Variants in ADAM2 observed in about 807,000 individuals in gnomAD.
ADAM2 encodes the protein disintegrin and metalloproteinase domain-containing protein 2.
ADAM2 carries 101 observed loss-of-function variants against 99.3 expected under a neutral mutation model. The ratio of observed to expected loss-of-function variants is 1.02; its 90% CI spans 0.87 to 1.20. ADAM2 has a LOEUF of 1.20. Ranked by LOEUF, ADAM2 falls within the 50% of genes most tolerant of loss-of-function variation. The pLI is 0.00. For missense variants in ADAM2, 948 were observed against 878.7 expected, an observed-to-expected ratio of 1.08 and a Z score of -1.00; for synonymous variants, 323 against 287.6, an observed-to-expected ratio of 1.12 and a Z score of -1.25.
intron 10 of ADAM2, among the ~76,000 whole-genome samples, chr8:39,779,207 A>C: frequency 6.6e-6 from 1 of 152,102 alleles, no homozygotes. Context: ...GAAATTTCGC[A>C]GTTCTAGAAG....
chr8:39,803,242 T>A (rs1041203850), intron 7 of ADAM2, among the ~76,000 whole-genome samples: 11 of 152,120 alleles, frequency 7.2e-5, no homozygotes, highest in Non-Finnish European at 2.9e-5. Context: ...AGGTGGAAAC[T>A]TAAAGAAAAC....
At chr8:39,803,995 G>T (rs1331173813) in intron 7 of ADAM2, among the ~76,000 whole-genome samples, 2 of 152,170 alleles carry the variant, frequency 1.3e-5, no homozygotes, top group Non-Finnish European at 2.9e-5. Context: ...TGGAATTCTA[G>T]TGTTAGACTG....
At chr8:39,748,769 G>A (rs1823580159) in intron 18 of ADAM2, among the ~76,000 whole-genome samples, 1 of 152,052 alleles carries the variant, frequency 6.6e-6, no homozygotes, top group Non-Finnish European at 1.5e-5. Flanking sequence ...AGTAAAAATA[G>A]CTCTGATATT....
At chr8:39,744,374 A>G (rs1002069787) in intron 20 of ADAM2, among the ~76,000 whole-genome samples, 5 of 152,014 alleles carry the variant, frequency 3.3e-5, no homozygotes, top group African/African-American at 9.7e-5. Flanking sequence ...ATATAGCTAT[A>G]TGACTGTCAC....
At chr8:39,827,281 G>A (rs1356649724) in intron 3 of ADAM2, among the ~76,000 whole-genome samples, 1 of 152,058 alleles carries the variant, frequency 6.6e-6, no homozygotes, top group Non-Finnish European at 1.5e-5. Context: ...CCACAATGTT[G>A]GTGGAAATGT....
chr8:39,772,646 A>G (rs1802828592), intron 11 of ADAM2, among the ~76,000 whole-genome samples: 1 of 152,022 alleles, frequency 6.6e-6, no homozygotes, highest in Admixed American at 6.6e-5. Context: ...TACAGACTTA[A>G]TCCCAATATA....
chr8:39,815,157 T>C (rs994283501), intron 6 of ADAM2, among the ~76,000 whole-genome samples: 1 of 152,110 alleles, frequency 6.6e-6, no homozygotes, highest in Non-Finnish European at 1.5e-5. Flanking sequence ...GGATGGATAG[T>C]TCCACTTATT....
chr8:39,795,875 C>T (rs1803915778), intron 7 of ADAM2, among the ~76,000 whole-genome samples: 1 of 151,942 alleles, frequency 6.6e-6, no homozygotes, highest in African/African-American at 2.4e-5. Context: ...AAAATTGTAC[C>T]ATAAAGAAAC....
chr8:39,828,145 C>A (rs564341186), intron 3 of ADAM2, among the ~76,000 whole-genome samples: 1 of 151,400 alleles, frequency 6.6e-6, no homozygotes, highest in Non-Finnish European at 1.5e-5. Flanking sequence ...GATAGAAGCA[C>A]AGAAATGTAG....
intron 7 of ADAM2, among the ~76,000 whole-genome samples, chr8:39,796,533 T>G (rs932893477): frequency 6.6e-6 from 1 of 152,178 alleles, no homozygotes; most frequent in African/African-American, 2.4e-5. Flanking sequence ...GTAGAATGAT[T>G]TATATTCCTT....
At chr8:39,831,373 G>A (rs1250713803) in intron 3 of ADAM2, among the ~76,000 whole-genome samples, 4 of 152,070 alleles carry the variant, frequency 2.6e-5, no homozygotes, top group African/African-American at 4.8e-5. Context: ...ACAAGCAAAA[G>A]CATCCATAAA....
At chr8:39,817,093 A>G (rs190775740) in intron 6 of ADAM2, among the ~76,000 whole-genome samples, 1 of 152,326 alleles carries the variant, frequency 6.6e-6, no homozygotes, top group African/African-American at 2.4e-5. Context: ...ATACTTGATT[A>G]ATAAAAAAGA....
At position 39,767,185 on chromosome 8, in the gene ADAM2, A is replaced by C; in HGVS notation, c.1279T>G (p.Cys427Gly). 1 of 1,608,450 alleles carries C rather than the reference A, an allele frequency of 6.2e-7. No individual in the cohort carries two copies. The highest frequency in any genetic ancestry group is 1.1e-5 in the South Asian group (1 of 90,110). Residue 427 changes from cysteine (C) to glycine (G), a missense_variant, in exon 13 of 21, where the codon TGT becomes GGT. Coordinates refer to ENST00000265708, the MANE Select transcript of ADAM2 (RefSeq NM_001464.5). ...TTTTCGCAGCATGGTCCTTCAGCAC[A>C]GTTTGAACCGGCTTTAAATCTACAT... ...ATCRFKAGSNCAEGPCCENCL... is the reference protein window; with the variant it reads ...ATCRFKAGSNGAEGPCCENCL...
At chr8:39,802,428 GC>G (rs1490639430) in intron 7 of ADAM2, among the ~76,000 whole-genome samples, 1 of 151,930 alleles carries the variant, frequency 6.6e-6, no homozygotes, top group Admixed American at 6.6e-5. Context: ...GGCCATCTTG[GC>G]CCCCCCACCT....
chr8:39,781,647 T>C (rs1803235208), intron 10 of ADAM2, among the ~76,000 whole-genome samples: 1 of 152,226 alleles, frequency 6.6e-6, no homozygotes, highest in African/African-American at 2.4e-5. Flanking sequence ...TGCCTCAATA[T>C]TGTTGATACT....
intron 16 of ADAM2, among the ~76,000 whole-genome samples, chr8:39,753,196 G>A (rs539124794): frequency 1.4e-4 from 21 of 152,280 alleles, no homozygotes; most frequent in East Asian, 9.7e-4. Context: ...TCCAGGCTTA[G>A]ATGGTCTCAG....
chr8:39,798,400 T>C (rs1804061687), intron 7 of ADAM2, among the ~76,000 whole-genome samples: 2 of 152,208 alleles, frequency 1.3e-5, no homozygotes, highest in African/African-American at 4.8e-5. Flanking sequence ...GGCTTGATTT[T>C]GGTGGATAAG....
chr8:39,837,090 T>C (rs1805855354), intron 2 of ADAM2, 46 bp downstream of exon 2: 2 of 1,467,304 alleles, frequency 1.4e-6, no homozygotes, highest in Non-Finnish European at 1.9e-6. Flanking sequence ...AGAAACAAAA[T>C]CTTTACATCA....
intron 14 of ADAM2, 111 bp from the exon 15 acceptor site, chr8:39,761,392 G>T: frequency 1.9e-6 from 1 of 531,936 alleles, no homozygotes. Flanking sequence ...TACAAAATAA[G>T]ATCATACTAT....
Sources: allele counts gnomAD v4.1 joint callset (sites outside exome capture counted in the v4.1 genomes callset), GRCh38; gene constraint gnomAD v4.1.1; transcripts MANE v1.5; gene names NCBI Gene and HGNC (gene_info 2026-07-23, HGNC 2026-07-21).